KIAA0319: variants seen among roughly 807,000 people sequenced by gnomAD.
KIAA0319 encodes the protein KIAA0319, also known as dyslexia-associated protein KIAA0319.
KIAA0319 carries 83 observed loss-of-function variants against 108.4 expected under a neutral mutation model. The observed-to-expected ratio is 0.77, with a 90% confidence interval of 0.64 to 0.92. KIAA0319 has a LOEUF of 0.92. KIAA0319 is among the 40% of genes least tolerant of loss of function. KIAA0319 has a pLI of 0.00. For synonymous variants in KIAA0319, 484 were observed against 510.4 expected, an observed-to-expected ratio of 0.95 and a Z score of 0.70; for missense variants, 1,195 against 1,322.4, an observed-to-expected ratio of 0.90 and a Z score of 1.49.
intron 1 of KIAA0319, among the ~76,000 whole-genome samples, chr6:24,630,686 T>TTCC (rs1775446229): frequency 1.5e-5 from 1 of 67,122 alleles, no homozygotes. Flanking sequence ...TATATGTGTA[T>TTCC]ATATATATAT....
rs994186582 is a variant in KIAA0319 at position 24,563,396 on chromosome 6, T to C, written c.2554A>G (p.Ile852Val). Residue 852 changes from isoleucine to valine, a missense_variant, in exon 16 of 21, where the codon ATT (isoleucine) becomes GTT (valine). Transcript: ENST00000378214. ...AVLLNVLDSD[I>V]KVQKIRAHSD... ...TGGGCCCGAATCTTCTGGACCTTAA[T>C]GTCCGAGTCCAGCACGTTCAGCAGC... 16 of 1,613,696 alleles carry C rather than the reference T, an allele frequency of 9.9e-6. No homozygotes were observed. In the African/African-American group the frequency reaches 2.0e-4, roughly 20 times the overall value.
chr6:24,595,825 G>A, intron 3 of KIAA0319, 48 bp downstream of exon 3: 1 of 1,543,652 alleles, frequency 6.5e-7, no homozygotes, highest in Non-Finnish European at 8.7e-7. Context: ...CCTACGGTCT[G>A]CCCCACTCAG....
At chr6:24,567,662 C>T (rs1410811932) in intron 13 of KIAA0319, among the ~76,000 whole-genome samples, 1 of 152,108 alleles carries the variant, frequency 6.6e-6, no homozygotes, top group South Asian at 2.1e-4. Flanking sequence ...GATCACAGCA[C>T]AGTACTCCAG....
chr6:24,645,511 G>A (rs1166783133), intron 1 of KIAA0319: 1 of 152,122 alleles, frequency 6.6e-6, no homozygotes, highest in African/African-American at 2.4e-5. Flanking sequence ...AATGCAATTC[G>A]TGAGGTTGGG....
chr6:24,572,774 G>A lies in KIAA0319; in HGVS notation c.1735-76C>T, dbSNP rs1764908408. 5.2e-6 allele frequency: 7 copies of A among 1,346,392 alleles called. No homozygotes were observed. The Admixed American group carries it at 8.2e-5, about 16-fold the overall frequency. The allele number at this position is 1,346,392 out of a possible 1,614,324, so 83.4% of individuals were successfully genotyped here. On this transcript the variant is annotated intron_variant, in intron 10 of 20. Coordinates refer to ENST00000378214, the MANE Select transcript of KIAA0319 (RefSeq NM_014809.4). ...AGAAGCACAAGTAAATAGTATGACA[G>A]AATGAAAAACTAACAATTTTACTTA...
chr6:24,624,017 C>CTTTTCTTT lies in KIAA0319; in HGVS notation c.-106+21718_-106+21719insAAAGAAAA, dbSNP rs1774342718. On this transcript the variant is annotated intron_variant, in intron 1 of 20. Transcript: ENST00000378214. ...AAATAATTTTGAATTTCTTTGTTTTCTTTTTTTTTTTTTTTTTTTTTTTTT... is the reference window on the plus strand; with the variant it reads ...AAATAATTTTGAATTTCTTTGTTTTCTTTTCTTTTTTTTTTTTTTTTTTTTTTTTTTTT... Among the ~76,000 whole-genome samples, 8 of 50,536 alleles carry CTTTTCTTT rather than the reference C, an allele frequency of 1.6e-4. 2 individuals are homozygous for CTTTTCTTT. Among genetic ancestry groups the CTTTTCTTT allele is most frequent in the East Asian group, 8.6e-4 (1 of 1,166 alleles). 33.2% of individuals were successfully genotyped at this position (50,536 alleles called of 152,430 possible). A position where few individuals can be genotyped will look rare whatever the true frequency, so the allele number is the denominator to read the frequency against.
rs762046682 is a variant in KIAA0319 at position 24,596,087 on chromosome 6, T to C, written c.587A>G (p.Asn196Ser). The stretch of plus-strand genomic sequence containing the variant: ...CGCAGGACTGTCTCCAACAGAGGAG[T>C]TGAAGGCCCCCTCGCTGCCCGGCAG... Reference protein sequence around the residue: ...GLLPGSEGAFNSSVGDSPAVP... With the variant: ...GLLPGSEGAFSSSVGDSPAVP... Residue 196 changes from asparagine to serine, a missense_variant, in exon 3 of 21, where the codon AAC (asparagine) becomes AGC (serine). Physicochemically the swap from Asn to Ser is conservative, Grantham distance 46. Coordinates refer to ENST00000378214, the MANE Select transcript of KIAA0319 (RefSeq NM_014809.4). The C allele has an allele frequency of 3.1e-6, 5 of 1,613,598 alleles. No individual in the cohort carries two copies. The African/African-American group carries it at 4.0e-5, about 13-fold the overall frequency.
chr6:24,578,313 AT>A, intron 8 of KIAA0319, 71 bp from the exon 9 acceptor site: 1 of 1,123,584 alleles, frequency 8.9e-7, no homozygotes, highest in Non-Finnish European at 1.3e-6. Context: ...TACTTTAATT[AT>A]TGCATATTTA....
chr6:24,596,582 T>G lies in KIAA0319; in HGVS notation c.92A>C (p.Tyr31Ser). ...GTTAGGTGAAATGACTGCATTGGAA[T>G]ATGTCCTCCCCTCGCTGCACTGCTT... is the stretch of plus-strand genomic sequence containing the variant. The part of the protein sequence containing the change: ...ARKQCSEGRT[Y>S]SNAVISPNLE... Residue 31 changes from tyrosine (Y) to serine (S), a missense_variant, in exon 3 of 21, where the codon TAT becomes TCT. Transcript: ENST00000378214. 1.2e-6 allele frequency: 2 copies of G among 1,613,230 alleles called. No individual in the cohort carries two copies. The highest frequency in any genetic ancestry group is 1.7e-6 in the Non-Finnish European group (2 of 1,179,560).
intron 2 of KIAA0319, chr6:24,598,987 C>G: frequency 1.5e-6 from 1 of 671,768 alleles, no homozygotes. Flanking sequence ...CTGGAGGAGT[C>G]TCGCCTGGAA....
chr6:24,611,632 A>G (rs1466996892), intron 1 of KIAA0319, among the ~76,000 whole-genome samples: 3 of 152,260 alleles, frequency 2.0e-5, no homozygotes, highest in Non-Finnish European at 4.4e-5. Flanking sequence ...TGCAACTCAC[A>G]TTGCAGACAA....
At chr6:24,543,724 G>A (rs986023262), downstream of KIAA0319, among the ~76,000 whole-genome samples, 24 of 152,184 alleles carry the variant, frequency 1.6e-4, no homozygotes, top group African/African-American at 5.3e-4. Context: ...GAGCTACCAT[G>A]CCCGGCCCTC....
rs116006610 is a variant in KIAA0319 at position 24,626,321 on chromosome 6, C to A, written c.-106+19415G>T. Reference sequence around the variant, plus strand: ...TCGAGATGAGAGAATCACTTGAGGGCAGGATTTTGAGACCAGCCTGGTCAA... The same window carrying A: ...TCGAGATGAGAGAATCACTTGAGGGAAGGATTTTGAGACCAGCCTGGTCAA... On this transcript the variant is annotated intron_variant, in intron 1 of 20. Transcript: ENST00000378214. 3.1e-3 allele frequency among the ~76,000 whole-genome samples: 467 copies of A among 152,246 alleles called. 8 individuals carry two copies. The highest frequency in any genetic ancestry group is 9.9e-3 in the African/African-American group (413 of 41,556).
intron 1 of KIAA0319, among the ~76,000 whole-genome samples, chr6:24,642,016 A>G (rs1161715000): frequency 7.2e-6 from 1 of 138,272 alleles, no homozygotes. Context: ...ACCGTGTCAG[A>G]AAGAGAAGGG....
chr6:24,635,937 T>C (rs543606115), intron 1 of KIAA0319, among the ~76,000 whole-genome samples: 1 of 152,138 alleles, frequency 6.6e-6, no homozygotes, highest in African/African-American at 2.4e-5. Context: ...TTATGAAATA[T>C]TATGAAAGAA....
intron 1 of KIAA0319, among the ~76,000 whole-genome samples, chr6:24,602,177 C>T (rs1309622892): frequency 6.6e-6 from 1 of 152,108 alleles, no homozygotes; most frequent in Admixed American, 6.6e-5. Context: ...CTACCACACC[C>T]GGCTAATTTT....
intron 16 of KIAA0319, 51 bp downstream of exon 16, chr6:24,563,308 G>A (rs1349764867): frequency 3.2e-6 from 5 of 1,569,386 alleles, no homozygotes; most frequent in Admixed American, 1.8e-5. Context: ...GATGAGGTAA[G>A]AGCTGGAATT....
chr6:24,586,928 C>T (rs1767591717), intron 4 of KIAA0319, among the ~76,000 whole-genome samples: 1 of 152,094 alleles, frequency 6.6e-6, no homozygotes, highest in Non-Finnish European at 1.5e-5. Flanking sequence ...CCTTATAGAA[C>T]AATGTCCCCA....
intron 1 of KIAA0319, among the ~76,000 whole-genome samples, chr6:24,644,193 G>C (rs752588387): frequency 1.3e-5 from 2 of 152,158 alleles, no homozygotes; most frequent in African/African-American, 4.8e-5. Flanking sequence ...TGAGTGAGTG[G>C]GTGTGTCTGT....
Sources: gnomAD v4.1 joint callset for allele counts (sites outside exome capture counted in the v4.1 genomes callset) on GRCh38, gnomAD v4.1.1 for gene constraint, MANE v1.5 for transcripts, NCBI Gene and HGNC (gene_info 2026-07-23, HGNC 2026-07-21) for gene names.